Variants in CDH4 observed in about 807,000 individuals in gnomAD.
CDH4 encodes the protein cadherin 4.
Under a neutral mutation model 86.0 loss-of-function variants are expected in CDH4, and 33 were observed. The observed-to-expected ratio is 0.38, with a 90% CI of 0.29 to 0.51. CDH4 has a LOEUF of 0.51. CDH4 is among the 20% of genes least tolerant of loss of function. The probability of loss-of-function intolerance (pLI) is 0.86; values close to 1 mark genes in which losing one functional copy is unlikely to be tolerated. For synonymous variants in CDH4, 555 were observed against 549.4 expected, an observed-to-expected ratio of 1.01 and a Z score of -0.14; for missense variants, 1,114 against 1,307.4, an observed-to-expected ratio of 0.85 and a Z score of 2.28.
chr20:61,334,757 C>T (rs547671345), intron 2 of CDH4, among the ~76,000 whole-genome samples: 38 of 152,318 alleles, frequency 2.5e-4, no homozygotes, highest in Admixed American at 5.2e-4. Flanking sequence ...CTGTAGCCCT[C>T]GCCTCCTGGG....
chr20:61,808,884 C>T (rs540836033), intron 4 of CDH4, among the ~76,000 whole-genome samples: 2 of 151,762 alleles, frequency 1.3e-5, no homozygotes, highest in South Asian at 2.1e-4. Flanking sequence ...CGTTGATTTT[C>T]GAGGACATCT....
intron 2 of CDH4, among the ~76,000 whole-genome samples, chr20:61,411,525 C>T (rs2085119543): frequency 6.6e-6 from 1 of 151,894 alleles, no homozygotes; most frequent in South Asian, 2.1e-4. Context: ...CCAGCTTCAA[C>T]CTGGGGGCTC....
intron 2 of CDH4, among the ~76,000 whole-genome samples, chr20:61,609,827 T>G (rs2086671482): frequency 6.6e-6 from 1 of 152,234 alleles, no homozygotes; most frequent in Non-Finnish European, 1.5e-5. Flanking sequence ...CATTTAAAAT[T>G]TGTTTTTCCT....
intron 2 of CDH4, among the ~76,000 whole-genome samples, chr20:61,302,902 A>G (rs1049968655): frequency 6.6e-6 from 1 of 152,106 alleles, no homozygotes; most frequent in African/African-American, 2.4e-5. Flanking sequence ...GGGAGGAGAA[A>G]ATGTGAGGAG....
intron 2 of CDH4, among the ~76,000 whole-genome samples, chr20:61,470,002 C>G (rs1396022898): frequency 1.3e-5 from 2 of 152,066 alleles, no homozygotes; most frequent in Non-Finnish European, 2.9e-5. Context: ...GTAATTCTTC[C>G]AGTTTTGTTC....
chr20:61,900,592 G>A (rs1985349806), intron 8 of CDH4, among the ~76,000 whole-genome samples: 1 of 152,222 alleles, frequency 6.6e-6, no homozygotes, highest in African/African-American at 2.4e-5. Context: ...GGACTGGAAA[G>A]GACAAGCCCA....
intron 2 of CDH4, among the ~76,000 whole-genome samples, chr20:61,454,854 G>A (rs1042816188): frequency 6.6e-6 from 1 of 152,182 alleles, no homozygotes; most frequent in African/African-American, 2.4e-5. Flanking sequence ...ACTACGGGGG[G>A]CAGTGGTGCA....
At chr20:61,634,643 GC>G (rs1236067318) in intron 2 of CDH4, among the ~76,000 whole-genome samples, 1 of 152,252 alleles carries the variant, frequency 6.6e-6, no homozygotes, top group African/African-American at 2.4e-5. Flanking sequence ...GTTGCTGGGA[GC>G]TTTTTTCCCA....
chr20:61,429,086 G>C (rs559523406), intron 2 of CDH4, among the ~76,000 whole-genome samples: 100 of 151,368 alleles, frequency 6.6e-4, no homozygotes, highest in Non-Finnish European at 1.1e-3. Flanking sequence ...CATAAGTTAC[G>C]ATAGCTTACC....
intron 2 of CDH4, among the ~76,000 whole-genome samples, chr20:61,374,419 G>T (rs189006359): frequency 6.6e-6 from 1 of 152,144 alleles, no homozygotes; most frequent in Non-Finnish European, 1.5e-5. Flanking sequence ...GTCCTGAGAG[G>T]GTCTGGGAGG....
At chr20:61,622,114 T>C (rs1028717876) in intron 2 of CDH4, among the ~76,000 whole-genome samples, 1 of 152,192 alleles carries the variant, frequency 6.6e-6, no homozygotes, top group African/African-American at 2.4e-5. Flanking sequence ...GCCAGGGATA[T>C]CATCCAGCAG....
intron 2 of CDH4, among the ~76,000 whole-genome samples, chr20:61,569,141 C>A (rs996865774): frequency 6.6e-6 from 1 of 152,172 alleles, no homozygotes; most frequent in Non-Finnish European, 1.5e-5. Context: ...AGCAACTGGC[C>A]TTCCCCGAAC....
chr20:61,391,298 G>T (rs765776832), intron 2 of CDH4, among the ~76,000 whole-genome samples: 1 of 152,186 alleles, frequency 6.6e-6, no homozygotes, highest in African/African-American at 2.4e-5. Flanking sequence ...CCTGGAAGCC[G>T]TCGGGGCTGG....
At chr20:61,537,282 TTTTAC>T (rs1383536021) in intron 2 of CDH4, among the ~76,000 whole-genome samples, 1 of 78,940 alleles carries the variant, frequency 1.3e-5, no homozygotes, top group East Asian at 5.7e-4. Context: ...AAATCCGACA[TTTTAC>T]TTATCCTTCA....
chr20:61,532,884 G>A (rs1398928914), intron 2 of CDH4, among the ~76,000 whole-genome samples: 2 of 152,202 alleles, frequency 1.3e-5, no homozygotes, highest in East Asian at 3.9e-4. Flanking sequence ...GCAGGTCAGT[G>A]TGGCGTAGCT....
intron 2 of CDH4, among the ~76,000 whole-genome samples, chr20:61,626,137 C>A (rs983304449): frequency 1.3e-5 from 2 of 152,248 alleles, no homozygotes; most frequent in Non-Finnish European, 2.9e-5. Context: ...GAGACCGAGA[C>A]CCTGCCCTTG....
chr20:61,781,939 C>G (rs1307743904), intron 4 of CDH4, among the ~76,000 whole-genome samples: 1 of 152,192 alleles, frequency 6.6e-6, no homozygotes, highest in Non-Finnish European at 1.5e-5. Context: ...CACACGCCAA[C>G]AGAACAACTT....
At chr20:61,685,468 C>A (rs1015148358) in intron 2 of CDH4, among the ~76,000 whole-genome samples, 6 of 152,240 alleles carry the variant, frequency 3.9e-5, no homozygotes, top group Non-Finnish European at 7.3e-5. Flanking sequence ...TGGGCCCCTT[C>A]ATCTCCCCTG....
chr20:61,780,594 T>C (rs777820270), intron 4 of CDH4, among the ~76,000 whole-genome samples: 3 of 152,228 alleles, frequency 2.0e-5, no homozygotes, highest in Non-Finnish European at 4.4e-5. Flanking sequence ...ATACAGTACC[T>C]GGCAATAATA....
Sources: allele counts gnomAD v4.1 joint callset (sites outside exome capture counted in the v4.1 genomes callset), GRCh38; gene constraint gnomAD v4.1.1; transcripts MANE v1.5; gene names NCBI Gene and HGNC (gene_info 2026-07-23, HGNC 2026-07-21).